Variants in SP4 observed in about 807,000 individuals in gnomAD.
SP4 encodes the protein Sp4 transcription factor.
Under a neutral mutation model 72.8 loss-of-function variants are expected in SP4, and 19 were observed. The observed-to-expected ratio is 0.26, with a 90% CI of 0.18 to 0.38. The LOEUF is 0.38. Among genes scored for constraint, SP4 ranks in the 10% least tolerant of loss-of-function variants. The pLI is 1.00. For synonymous variants in SP4, 395 were observed against 333.1 expected (o/e 1.19, Z -2.02); for missense variants, 1,008 against 926.3 (o/e 1.09, Z -1.14).
chr7:21,471,408 A>G (rs1210047398), intron 3 of SP4, among the ~76,000 whole-genome samples: 1 of 152,214 alleles, frequency 6.6e-6, no homozygotes, highest in Non-Finnish European at 1.5e-5. Context: ...CAACATAGAT[A>G]ATGTATATGG....
intron 5 of SP4, among the ~76,000 whole-genome samples, chr7:21,487,401 A>C (rs1583436093): frequency 7.8e-6 from 1 of 128,052 alleles, no homozygotes; most frequent in African/African-American, 3.1e-5. Context: ...ATATTTTGGA[A>C]TCTCTAGGGT....
At chr7:21,510,869 G>A (rs560689544) in intron 5 of SP4, among the ~76,000 whole-genome samples, 153 bp from the exon 6 acceptor site, 1 of 152,272 alleles carries the variant, frequency 6.6e-6, no homozygotes, top group African/African-American at 2.4e-5. Flanking sequence ...TTTGCATTGT[G>A]TATTTGATAA....
intron 3 of SP4, among the ~76,000 whole-genome samples, chr7:21,444,459 G>A (rs183825538): frequency 6.6e-6 from 1 of 152,126 alleles, no homozygotes; most frequent in Non-Finnish European, 1.5e-5. Flanking sequence ...CTCCTTTCAG[G>A]TATAAAAACT....
In SP4 at chr7:21,512,094, C is replaced by T. The variant is rs893572153; in HGVS notation, c.*825C>T. The T allele has an allele frequency of 6.6e-6, 1 of 152,500 alleles. No homozygotes were observed. The highest frequency in any genetic ancestry group is 6.5e-5 in the Admixed American group (1 of 15,274). The allele number at this position is 152,500 out of a possible 1,614,324, so 9.4% of individuals were successfully genotyped here. A position where few individuals can be genotyped will look rare whatever the true frequency, so the allele number is the denominator to read the frequency against. On this transcript the variant is annotated 3_prime_UTR_variant, in exon 6 of 6. Coordinates refer to ENST00000222584, the MANE Select transcript of SP4 (RefSeq NM_003112.5). The stretch of plus-strand genomic sequence containing the variant: ...AAGTTAGGATTGATTATATTCCTAA[C>T]CCTAGGTTGAACCACAAAATTTCAT...
chr7:21,478,386 C>T (rs1352702940), intron 4 of SP4, among the ~76,000 whole-genome samples: 1 of 152,080 alleles, frequency 6.6e-6, no homozygotes, highest in Non-Finnish European at 1.5e-5. Context: ...ATGAAATTAC[C>T]TAGAAATGGA....
At chr7:21,507,945 A>G (rs917053237) in intron 5 of SP4, among the ~76,000 whole-genome samples, 55 of 151,934 alleles carry the variant, frequency 3.6e-4, no homozygotes, top group African/African-American at 1.3e-3. Context: ...GGTACATCTC[A>G]GTCACACACA....
At chr7:21,444,271 T>G (rs781375255) in intron 3 of SP4, among the ~76,000 whole-genome samples, 11 of 152,208 alleles carry the variant, frequency 7.2e-5, no homozygotes, top group Non-Finnish European at 1.6e-4. Context: ...AATTATGCAG[T>G]TTTCTTTAAT....
intron 3 of SP4, among the ~76,000 whole-genome samples, chr7:21,459,183 G>A (rs1029503987): frequency 2.0e-5 from 3 of 152,074 alleles, no homozygotes; most frequent in Admixed American, 6.6e-5. Context: ...GCAGTGGCGC[G>A]ATCTCAGCTC....
At chr7:21,436,618 T>C (rs1416058425) in intron 3 of SP4, among the ~76,000 whole-genome samples, 2 of 152,174 alleles carry the variant, frequency 1.3e-5, no homozygotes, top group Admixed American at 6.5e-5. Context: ...TGGCCTAATA[T>C]CAGAGTGTAC....
rs529317876 is a variant in SP4, at chr7:21,432,813, G to A, written c.1678+1970G>A. On this transcript the variant is annotated intron_variant, in intron 3 of 5. Transcript: ENST00000222584. ...GTTCAAGACCAGCCTGGGCAACATA[G>A]GGAGACCCCGTCTCTACAAAAAATT... Among the ~76,000 whole-genome samples, 3 of 152,124 alleles carry A rather than the reference G, an allele frequency of 2.0e-5. No homozygotes were observed. In the South Asian group the frequency reaches 6.2e-4, roughly 32 times the overall value.
intron 3 of SP4, among the ~76,000 whole-genome samples, chr7:21,437,414 C>T (rs181335421): frequency 2.2e-4 from 33 of 152,238 alleles, no homozygotes; most frequent in Admixed American, 2.2e-3. Context: ...TAGCTGGTTG[C>T]ACAATTGAAT....
intron 3 of SP4, among the ~76,000 whole-genome samples, chr7:21,475,481 A>T (rs4397283): frequency 0.75 from 113,831 of 151,634 alleles, 43,546 homozygotes; most frequent in African/African-American, 0.91. Context: ...TTTTATTGTT[A>T]TTTTGAGACA....
intron 5 of SP4, among the ~76,000 whole-genome samples, chr7:21,483,471 T>A (rs912647939): frequency 7.2e-5 from 11 of 151,962 alleles, no homozygotes; most frequent in Non-Finnish European, 1.5e-4. Flanking sequence ...AAAAAACAAT[T>A]TCTTCTAATA....
At chr7:21,428,838 A>G (rs565758650) in intron 2 of SP4, 46 bp downstream of exon 2, 1 of 1,420,722 alleles carries the variant, frequency 7.0e-7, no homozygotes, top group South Asian at 1.3e-5. Context: ...ACATTAGGAG[A>G]GAGAGGGAGT....
At chr7:21,488,364 C>T (rs556872336) in intron 5 of SP4, among the ~76,000 whole-genome samples, 1 of 152,080 alleles carries the variant, frequency 6.6e-6, no homozygotes, top group South Asian at 2.1e-4. Flanking sequence ...TTCCATGTCT[C>T]CCTCCCAGCA....
At chr7:21,491,094 A>C (rs534138928) in intron 5 of SP4, among the ~76,000 whole-genome samples, 2 of 152,190 alleles carry the variant, frequency 1.3e-5, no homozygotes, top group Admixed American at 6.5e-5. Flanking sequence ...GATGATCTAG[A>C]TTTCGGAATT....
intron 3 of SP4, among the ~76,000 whole-genome samples, chr7:21,441,828 C>G (rs1783253326): frequency 6.6e-6 from 1 of 152,134 alleles, no homozygotes; most frequent in Non-Finnish European, 1.5e-5. Context: ...TTGGTTTGTT[C>G]TTTTCCCCTG....
intron 3 of SP4, among the ~76,000 whole-genome samples, chr7:21,471,905 TA>T (rs1440908063): frequency 6.6e-6 from 1 of 152,228 alleles, no homozygotes; most frequent in Non-Finnish European, 1.5e-5. Flanking sequence ...AAACATCCAG[TA>T]AAGTGCCTTA....
intron 3 of SP4, among the ~76,000 whole-genome samples, chr7:21,436,642 C>T (rs927840842): frequency 6.6e-6 from 1 of 152,126 alleles, no homozygotes; most frequent in Non-Finnish European, 1.5e-5. Flanking sequence ...TATATGTGCT[C>T]TTCTGTACTT....
Sources: gnomAD v4.1 joint callset for allele counts (sites outside exome capture counted in the v4.1 genomes callset) on GRCh38, gnomAD v4.1.1 for gene constraint, MANE v1.5 for transcripts, NCBI Gene and HGNC (gene_info 2026-07-23, HGNC 2026-07-21) for gene names.